Variants in CALN1 observed in about 807,000 individuals in gnomAD.
CALN1 encodes the protein calneuron 1.
CALN1 carries 17 observed loss-of-function variants against 30.6 expected under a neutral mutation model. That is an observed-to-expected ratio of 0.56 (90% CI 0.38 to 0.83). The LOEUF (loss-of-function observed/expected upper bound fraction) is 0.83, where lower values mean the gene tolerates loss of function less well. Among genes scored for constraint, CALN1 ranks in the 40% least tolerant of loss-of-function variants. The pLI is 0.00. For synonymous variants in CALN1, 156 were observed against 131.4 expected (o/e 1.19, Z -1.28); for missense variants, 291 against 354.9 (o/e 0.82, Z 1.45).
intron 5 of CALN1, among the ~76,000 whole-genome samples, chr7:71,901,426 CA>C (rs35289312): frequency 0.5 from 66,609 of 132,526 alleles, 16,065 homozygotes; most frequent in Admixed American, 0.62. Flanking sequence ...CATATGGAAC[CA>C]AAAAAAAAAA....
intron 2 of CALN1, among the ~76,000 whole-genome samples, chr7:72,387,000 C>T (rs567551086): frequency 6.6e-6 from 1 of 151,204 alleles, no homozygotes; most frequent in Non-Finnish European, 1.5e-5. Context: ...TAGCAATACA[C>T]AAGATGAGCC....
At chr7:72,329,390 T>C (rs1801505316) in intron 2 of CALN1, among the ~76,000 whole-genome samples, 1 of 152,232 alleles carries the variant, frequency 6.6e-6, no homozygotes, top group South Asian at 2.1e-4. Context: ...AGTCATATCA[T>C]TCACCTGTTT....
the CALN1 span, among the ~76,000 whole-genome samples, chr7:72,488,989 T>C: frequency 1.2e-4 from 19 of 152,206 alleles, no homozygotes. Flanking sequence ...AGACTCCTTA[T>C]CGACCATGAG....
intron 6 of CALN1, among the ~76,000 whole-genome samples, chr7:71,799,165 A>G (rs1158466179): frequency 6.6e-6 from 1 of 152,146 alleles, no homozygotes; most frequent in Non-Finnish European, 1.5e-5. Context: ...AGTGCTTACT[A>G]ATATGTTGAG....
At position 72,345,587 on chromosome 7, in the gene CALN1, G is replaced by A. The variant is rs867382574; in HGVS notation, c.119+57664C>T. 1.8e-4 allele frequency among the ~76,000 whole-genome samples: 28 copies of A among 151,598 alleles called. 1 individual carries two copies. In the Middle Eastern group the frequency reaches 0.014, roughly 74 times the overall value. On this transcript the variant is annotated intron_variant, in intron 2 of 6. Transcript: ENST00000395275. ...AGGGAGGGAGGGAAGGGAAGGAAAG[G>A]AAGAAAAAGCAAGGGAGGAAGGAAC...
intron 2 of CALN1, among the ~76,000 whole-genome samples, chr7:72,384,225 TGA>T (rs1805075184): frequency 6.6e-6 from 1 of 152,214 alleles, no homozygotes. Flanking sequence ...AAACTGTCTC[TGA>T]GAAGTGTAGT....
At chr7:72,040,043 C>T (rs1802030051) in intron 4 of CALN1, among the ~76,000 whole-genome samples, 1 of 152,150 alleles carries the variant, frequency 6.6e-6, no homozygotes, top group Non-Finnish European at 1.5e-5. Context: ...TCAATCTCTA[C>T]AAATGGCTCT....
chr7:71,938,292 T>A (rs1183211186), intron 5 of CALN1, among the ~76,000 whole-genome samples: 3 of 152,050 alleles, frequency 2.0e-5, no homozygotes, highest in Admixed American at 6.6e-5. Flanking sequence ...TGGTGCTCTA[T>A]CCCCAGTGAC....
intron 4 of CALN1, among the ~76,000 whole-genome samples, chr7:72,084,753 A>C (rs1416077071): frequency 6.6e-6 from 1 of 152,226 alleles, no homozygotes; most frequent in Non-Finnish European, 1.5e-5. Context: ...ATGTCTGCTC[A>C]TCAAAAGATA....
At chr7:72,136,595 G>A (rs1222789481) in intron 3 of CALN1, among the ~76,000 whole-genome samples, 4 of 152,084 alleles carry the variant, frequency 2.6e-5, no homozygotes, top group Non-Finnish European at 4.4e-5. Context: ...CTTTGCATTC[G>A]CAACTTGGCT....
At chr7:72,161,957 A>T (rs1788143105) in intron 3 of CALN1, among the ~76,000 whole-genome samples, 1 of 151,718 alleles carries the variant, frequency 6.6e-6, no homozygotes, top group Non-Finnish European at 1.5e-5. Context: ...TGATTCTTGT[A>T]ATGTCATGGA....
At chr7:72,019,246 G>C (rs2129529902) in intron 5 of CALN1, among the ~76,000 whole-genome samples, 1 of 152,200 alleles carries the variant, frequency 6.6e-6, no homozygotes, top group East Asian at 1.9e-4. Flanking sequence ...TTTCCTCTAA[G>C]GTAGGAAGAA....
intron 4 of CALN1, among the ~76,000 whole-genome samples, chr7:72,061,271 A>G (rs751397765): frequency 4.8e-4 from 73 of 152,212 alleles, no homozygotes; most frequent in Non-Finnish European, 9.1e-4. Flanking sequence ...GGAAAATTTG[A>G]CCTGTATAAG....
chr7:71,996,983 T>C (rs1386228795), intron 5 of CALN1, among the ~76,000 whole-genome samples: 1 of 152,034 alleles, frequency 6.6e-6, no homozygotes, highest in Non-Finnish European at 1.5e-5. Context: ...TCCCAGTACT[T>C]TGGGGAGGCC....
intron 5 of CALN1, among the ~76,000 whole-genome samples, chr7:71,862,565 CTCTTTCTTTTA>C (rs1791353003): frequency 1.3e-5 from 2 of 152,172 alleles, no homozygotes; most frequent in Admixed American, 6.5e-5. Context: ...TCTATTACAC[CTCTTTCTTTTA>C]TGAATTACCC....
At chr7:72,336,286 C>T (rs1226121647) in intron 2 of CALN1, among the ~76,000 whole-genome samples, 2 of 152,108 alleles carry the variant, frequency 1.3e-5, no homozygotes, top group Non-Finnish European at 2.9e-5. Flanking sequence ...TGCGGTGCGG[C>T]TCCGAGTCCC....
chr7:71,861,454 T>C (rs573973925), intron 5 of CALN1, among the ~76,000 whole-genome samples: 52 of 152,012 alleles, frequency 3.4e-4, no homozygotes, highest in South Asian at 3.1e-3. Flanking sequence ...CTCAGAAAGA[T>C]CTCATAGGTT....
chr7:72,046,931 G>A (rs1472090490), intron 4 of CALN1, among the ~76,000 whole-genome samples: 2 of 151,922 alleles, frequency 1.3e-5, no homozygotes, highest in Non-Finnish European at 2.9e-5. Context: ...GGGCACGGTG[G>A]CACGTGCCTA....
At chr7:71,905,214 C>G (rs1794065213) in intron 5 of CALN1, among the ~76,000 whole-genome samples, 1 of 152,248 alleles carries the variant, frequency 6.6e-6, no homozygotes, top group Non-Finnish European at 1.5e-5. Flanking sequence ...GCTAGGATTA[C>G]AGGTGTGAGC....
Sources: allele counts gnomAD v4.1 joint callset (sites outside exome capture counted in the v4.1 genomes callset), GRCh38; gene constraint gnomAD v4.1.1; transcripts MANE v1.5; gene names NCBI Gene and HGNC (gene_info 2026-07-23, HGNC 2026-07-21).